Variants in POMGNT2 observed in about 807,000 individuals in gnomAD.
POMGNT2 encodes protein O-linked mannose N-acetylglucosaminyltransferase 2 (beta 1,4-), also known as protein O-linked-mannose beta-1,4-N-acetylglucosaminyltransferase 2.
Under a neutral mutation model 37.8 loss-of-function variants are expected in POMGNT2, and 32 were observed. The observed-to-expected ratio is 0.85, with a 90% confidence interval of 0.64 to 1.14. The LOEUF is 1.14. Ranked by LOEUF, POMGNT2 falls within the 50% of genes most tolerant of loss-of-function variation. The pLI is 0.00. For synonymous variants in POMGNT2, 340 were observed against 336.8 expected (o/e 1.01, Z -0.10); for missense variants, 705 against 780.6 (o/e 0.90, Z 1.15).
At position 43,079,587 on chromosome 3, in the gene POMGNT2, G is replaced by C; in HGVS notation, c.*102C>G. 2 of 1,047,432 alleles carry C rather than the reference G, an allele frequency of 1.9e-6. No individual in the cohort carries two copies. The highest frequency in any genetic ancestry group is 2.8e-6 in the Non-Finnish European group (2 of 718,754). The allele number at this position is 1,047,432 out of a possible 1,614,324, so 64.9% of individuals were successfully genotyped here. On this transcript the variant is annotated 3_prime_UTR_variant, in exon 2 of 2. Coordinates refer to ENST00000344697, the MANE Select transcript of POMGNT2 (RefSeq NM_032806.6). Reference sequence around the variant, plus strand: ...CAAGATGATGTGGAGGCACAGGCCTGCTCAATAAATAGTTCCCAGAAGTCT... The same window carrying C: ...CAAGATGATGTGGAGGCACAGGCCTCCTCAATAAATAGTTCCCAGAAGTCT...
intron 1 of POMGNT2, among the ~76,000 whole-genome samples, chr3:43,095,905 C>T (rs2089976459): frequency 6.6e-6 from 1 of 152,178 alleles, no homozygotes; most frequent in Non-Finnish European, 1.5e-5. Context: ...AGCCCAGTCC[C>T]CTCCTGGACC....
chr3:43,097,166 AG>A (rs1432864001), intron 1 of POMGNT2, among the ~76,000 whole-genome samples: 1 of 152,166 alleles, frequency 6.6e-6, no homozygotes, highest in Non-Finnish European at 1.5e-5. Context: ...AAGGAGTAAA[AG>A]CTCCAGGAAT....
chr3:43,090,266 T>C (rs1214392946), intron 1 of POMGNT2, among the ~76,000 whole-genome samples: 1 of 152,214 alleles, frequency 6.6e-6, no homozygotes, highest in Non-Finnish European at 1.5e-5. Context: ...CTATCAACCT[T>C]TACTTTCTGA....
rs2089841975 is a variant in POMGNT2 at position 43,080,588 on chromosome 3, C to T, written c.844G>A (p.Val282Ile). The T allele has an allele frequency of 2.5e-6, 4 of 1,614,238 alleles. No homozygotes were observed. The highest frequency in any genetic ancestry group is 3.4e-6 in the Non-Finnish European group (4 of 1,180,044). ...TEKLNVSHTG[V>I]PLGEEYILVF... is the part of the protein sequence containing the mutation. ...AGAATGTACTCCTCGCCTAGGGGGA[C>T]TCCTGTGTGGCTCACGTTCAGCTTT... Residue 282 changes from valine to isoleucine, a missense_variant, in exon 2 of 2, where the codon GTC (valine) becomes ATC (isoleucine). Physicochemically the swap from Val to Ile is conservative, Grantham distance 29 (BLOSUM62 3). Coordinates refer to ENST00000344697, the MANE Select transcript of POMGNT2 (RefSeq NM_032806.6).
chr3:43,081,244 C>T lies in POMGNT2; in HGVS notation c.188G>A (p.Gly63Asp), dbSNP rs779938160. Residue 63 changes from glycine (G) to aspartate (D), a missense_variant, in exon 2 of 2, where the codon GGC (glycine) becomes GAC (aspartate). Gly to Asp is a moderately conservative substitution (Grantham distance 94). Coordinates refer to ENST00000344697, the MANE Select transcript of POMGNT2 (RefSeq NM_032806.6). ...YPKALQILMEGGTHMVCTGRT... is the reference protein window; with the variant it reads ...YPKALQILMEDGTHMVCTGRT... ...GCCCGTGCACACCATGTGTGTGCCG[C>T]CCTCCATCAGGATCTGCAGTGCCTT... 9 of 1,613,878 alleles carry T rather than the reference C, an allele frequency of 5.6e-6. No individual in the cohort carries two copies. Among genetic ancestry groups the T allele is most frequent in the South Asian group, 4.4e-5 (4 of 91,086 alleles).
intron 1 of POMGNT2, among the ~76,000 whole-genome samples, chr3:43,085,872 T>A (rs1334743705): frequency 6.6e-6 from 1 of 152,202 alleles, no homozygotes; most frequent in Non-Finnish European, 1.5e-5. Flanking sequence ...ATTCCTGGAT[T>A]GTGGGCTTCT....
rs562988051 is a variant in POMGNT2 at position 43,080,146 on chromosome 3, C to T, written c.1286G>A (p.Arg429His). Reference protein sequence around the residue: ...RAEQARILQSREVPRHLCCRN... With the variant: ...RAEQARILQSHEVPRHLCCRN... ...GCAACAGAGATGCCGTGGGACCTCA[C>T]GGCTTTGCAGGATACGGGCTTGCTC... The change falls in exon 2 of 2, where the codon CGT (arginine) becomes CAT (histidine). Residue 429 changes from arginine to histidine, a missense_variant. Transcript: ENST00000344697. 57 of 1,613,946 alleles carry T rather than the reference C, an allele frequency of 3.5e-5. No individual in the cohort carries two copies. The highest frequency in any genetic ancestry group is 2.6e-4 in the South Asian group (24 of 91,078).
rs189788004 is a variant in POMGNT2 at position 43,093,033 on chromosome 3, T to C, written c.-105-11497A>G. On this transcript the variant is annotated intron_variant, in intron 1 of 1. Coordinates refer to ENST00000344697, the MANE Select transcript of POMGNT2 (RefSeq NM_032806.6). ...AGCTAGAAGAGAGGAAAGACTTACC[T>C]CCAACATGAGTGGGCATCTCAGCCA... Among the ~76,000 whole-genome samples the C allele has an allele frequency of 2.0e-5, 3 of 152,250 alleles. No individual in the cohort carries two copies. The East Asian group carries it at 5.8e-4, about 29-fold the overall frequency.
At chr3:43,097,622 T>C (rs2089989402) in intron 1 of POMGNT2, among the ~76,000 whole-genome samples, 1 of 152,080 alleles carries the variant, frequency 6.6e-6, no homozygotes, top group Non-Finnish European at 1.5e-5. Context: ...CCCACCCTTA[T>C]GACCTCATTT....
chr3:43,094,867 G>C (rs2089968097), intron 1 of POMGNT2, among the ~76,000 whole-genome samples: 1 of 152,196 alleles, frequency 6.6e-6, no homozygotes, highest in Non-Finnish European at 1.5e-5. Context: ...CAAAAGCAGA[G>C]CTGGAATGTG....
At position 43,098,845 on chromosome 3, in the gene POMGNT2, G is replaced by A. The variant is rs2089997295; in HGVS notation, c.-106+6991C>T. Among the ~76,000 whole-genome samples, 1 of 141,246 alleles carries A rather than the reference G, an allele frequency of 7.1e-6. No homozygotes were observed. The highest frequency in any genetic ancestry group is 1.6e-5 in the Non-Finnish European group (1 of 63,778). 92.7% of individuals were successfully genotyped at this position (141,246 alleles called of 152,430 possible). A position where few individuals can be genotyped will look rare whatever the true frequency, so the allele number is the denominator to read the frequency against. ...GGCTTGAGTGTGGGGCAGGACGTTC[G>A]GCCTTCCACCAGCTCATATGCAACC... is the stretch of plus-strand genomic sequence containing the variant. On this transcript the variant is annotated intron_variant, in intron 1 of 1. Transcript: ENST00000344697. This position sits in a 1 kb window ranked among gnomAD's most constrained non-coding sequence, Gnocchi z 4.3.
chr3:43,082,620 A>G (rs972573712), intron 1 of POMGNT2, among the ~76,000 whole-genome samples: 1 of 152,218 alleles, frequency 6.6e-6, no homozygotes, highest in African/African-American at 2.4e-5. Flanking sequence ...CAGACAGTTG[A>G]AGAAGCTCAT....
Position 43,081,035 on chromosome 3 carries a change from C to T in POMGNT2, c.397G>A (p.Val133Met), listed in dbSNP as rs139204684. 43 of 1,614,188 alleles carry T rather than the reference C, an allele frequency of 2.7e-5. No homozygotes were observed. In the East Asian group the frequency reaches 6.7e-4, roughly 25 times the overall value. The stretch of plus-strand genomic sequence containing the variant: ...CGCAGGGCAGCAGCAGGCAGCTCCA[C>T]GAAGTTGAAGTACTGAGTGTTGTGG... ...EDHNTQYFNF[V>M]ELPAAALRFM... Residue 133 changes from valine (V) to methionine (M), a missense_variant, in exon 2 of 2, where the codon GTG (valine) becomes ATG (methionine). Transcript: ENST00000344697.
intron 1 of POMGNT2, among the ~76,000 whole-genome samples, chr3:43,083,726 C>G (rs1028060976): frequency 6.6e-6 from 1 of 152,216 alleles, no homozygotes; most frequent in Non-Finnish European, 1.5e-5. Flanking sequence ...CCACATCAGA[C>G]AGTAATTTTG....
At chr3:43,105,728 C>G (rs999699857) in intron 1 of POMGNT2, 108 bp downstream of exon 1, 1 of 152,324 alleles carries the variant, frequency 6.6e-6, no homozygotes, top group Non-Finnish European at 1.5e-5. Context: ...CACCCCGGGG[C>G]CCAGCACCGC....
At chr3:43,099,921 A>G (rs149405004) in intron 1 of POMGNT2, among the ~76,000 whole-genome samples, 1 of 152,308 alleles carries the variant, frequency 6.6e-6, no homozygotes, top group East Asian at 1.9e-4. Context: ...TTCACTTTGC[A>G]ATGATAATCT....
At chr3:43,102,536 G>C (rs2090026858) in intron 1 of POMGNT2, among the ~76,000 whole-genome samples, 1 of 152,102 alleles carries the variant, frequency 6.6e-6, no homozygotes, top group South Asian at 2.1e-4. Context: ...TCTGGGTAGG[G>C]GATAAAGATG....
chr3:43,092,276 A>G (rs1396444604), intron 1 of POMGNT2, among the ~76,000 whole-genome samples: 3 of 152,182 alleles, frequency 2.0e-5, no homozygotes, highest in African/African-American at 7.2e-5. Flanking sequence ...AATAAATTAG[A>G]TAAGAAACAT....
In POMGNT2 at chr3:43,079,764, G is replaced by A; in HGVS notation, c.1668C>T (p.Tyr556=). The A allele has an allele frequency of 6.2e-7, 1 of 1,614,204 alleles. No homozygotes were observed. Among genetic ancestry groups the A allele is most frequent in the Non-Finnish European group, 8.5e-7 (1 of 1,180,042 alleles). Residue 556 remains tyrosine, a synonymous_variant, in exon 2 of 2, where the codon TAC becomes TAT. Transcript: ENST00000344697. ...TGAAGATGCAGCGGACCCACACCAG[G>A]TAGGTGGTGAAGGGCTTGATGTTCT... ...FTENIKPFTT[Y]LVWVRCIFNK... is the part of the protein sequence containing the mutation.
Sources: allele counts gnomAD v4.1 joint callset (sites outside exome capture counted in the v4.1 genomes callset), GRCh38; gene constraint gnomAD v4.1.1; non-coding constraint Gnocchi (gnomAD v3.1); transcripts MANE v1.5; gene names NCBI Gene and HGNC (gene_info 2026-07-23, HGNC 2026-07-21).